MAPT: variants seen among roughly 807,000 people sequenced by gnomAD.
MAPT encodes microtubule-associated protein tau.
In MAPT, 34 loss-of-function variants were observed where a neutral mutation model predicts 67.9. The observed-to-expected ratio is 0.50, with a 90% confidence interval of 0.38 to 0.67. The LOEUF is 0.67. Ranked by LOEUF, MAPT falls within the 30% of genes least tolerant of loss-of-function variation. The pLI is 0.00. For synonymous variants in MAPT, 456 were observed against 464.5 expected (o/e 0.98, Z 0.23); for missense variants, 881 against 1,115.2 (o/e 0.79, Z 2.99).
intron 1 of MAPT, among the ~76,000 whole-genome samples, chr17:45,939,253 C>T (rs1403509127): frequency 1.3e-5 from 2 of 152,062 alleles, no homozygotes; most frequent in African/African-American, 4.8e-5. Context: ...CCACTGCACT[C>T]GGCCTTAAGA....
intron 1 of MAPT, among the ~76,000 whole-genome samples, chr17:45,937,590 T>A (rs1480079677): frequency 1.3e-4 from 14 of 108,606 alleles, no homozygotes; most frequent in African/African-American, 5.1e-4. Flanking sequence ...AGACCCTATC[T>A]CAAAAAAAGA....
At chr17:45,940,064 GA>G (rs1390350127) in intron 1 of MAPT, among the ~76,000 whole-genome samples, 1 of 152,154 alleles carries the variant, frequency 6.6e-6, no homozygotes, top group Non-Finnish European at 1.5e-5. Flanking sequence ...AAAGAAAAGA[GA>G]GTAGTAAAAT....
At chr17:45,912,485 G>A (rs974318385) in intron 1 of MAPT, among the ~76,000 whole-genome samples, 1 of 152,160 alleles carries the variant, frequency 6.6e-6, no homozygotes, top group African/African-American at 2.4e-5. Flanking sequence ...TTGGAGTGAG[G>A]TGGCCACAAG....
intron 1 of MAPT, among the ~76,000 whole-genome samples, chr17:45,945,753 C>T (rs2068415462): frequency 6.6e-6 from 1 of 152,090 alleles, no homozygotes; most frequent in African/African-American, 2.4e-5. Context: ...GTGAAGGTTG[C>T]AGTGAGCCGA....
chr17:46,006,509 T>C (rs935459668), intron 9 of MAPT, among the ~76,000 whole-genome samples: 3 of 152,096 alleles, frequency 2.0e-5, no homozygotes, highest in African/African-American at 4.8e-5. Flanking sequence ...AGATCTAGTA[T>C]TGGATAGCAC....
At chr17:45,916,952 C>A (rs1354884537) in intron 1 of MAPT, among the ~76,000 whole-genome samples, 1 of 152,206 alleles carries the variant, frequency 6.6e-6, no homozygotes, top group Non-Finnish European at 1.5e-5. Flanking sequence ...GATGGGCCCT[C>A]AGACTCACCC....
intron 9 of MAPT, among the ~76,000 whole-genome samples, chr17:46,008,679 T>A (rs2075616048): frequency 6.6e-6 from 1 of 151,840 alleles, no homozygotes; most frequent in Non-Finnish European, 1.5e-5. Flanking sequence ...CAAGTAAAAT[T>A]AAGGGGAAAA....
intron 6 of MAPT, among the ~76,000 whole-genome samples, chr17:45,989,249 G>A (rs1027807592): frequency 7.2e-5 from 11 of 152,166 alleles, no homozygotes; most frequent in Admixed American, 6.5e-4. Context: ...TTACTCATGT[G>A]AAGCACCTTT....
chr17:45,961,198 G>A (rs2070370527), intron 1 of MAPT, among the ~76,000 whole-genome samples: 1 of 152,106 alleles, frequency 6.6e-6, no homozygotes, highest in Non-Finnish European at 1.5e-5. Flanking sequence ...TAAATTCAAA[G>A]TTATGAATTA....
chr17:45,944,953 G>A (rs75839508), intron 1 of MAPT, among the ~76,000 whole-genome samples: 21,828 of 152,150 alleles, frequency 0.14, 2,142 homozygotes, highest in Non-Finnish European at 0.22. Context: ...ATCACCTCTC[G>A]CCAGACTCTC....
At chr17:45,993,152 G>T (rs2074209035) in intron 8 of MAPT, among the ~76,000 whole-genome samples, 1 of 152,172 alleles carries the variant, frequency 6.6e-6, no homozygotes, top group Non-Finnish European at 1.5e-5. Context: ...TGAGGGAGCT[G>T]CCCAGAGCCT....
intron 1 of MAPT, among the ~76,000 whole-genome samples, chr17:45,904,668 G>T (rs1302331198): frequency 6.7e-6 from 1 of 150,134 alleles, no homozygotes; most frequent in Non-Finnish European, 1.5e-5. Context: ...CTCCAGCCTG[G>T]GTAACACAGC....
rs547991106 is a variant in MAPT at position 46,024,356 on chromosome 17, G to C, written c.*185G>C. ...CTCGGGACTTCAAAATCAGTGATGG[G>C]AGTAAGAGCAAATTTCATCTTTCCA... On this transcript the variant is annotated 3_prime_UTR_variant, in exon 13 of 13. Coordinates refer to ENST00000262410, the MANE Select transcript of MAPT (RefSeq NM_001377265.1). 3 of 622,124 alleles carry C rather than the reference G, an allele frequency of 4.8e-6. No homozygotes were observed. In the East Asian group the frequency reaches 8.2e-5, roughly 17 times the overall value. 38.5% of individuals were successfully genotyped at this position (622,124 alleles called of 1,614,324 possible).
At chr17:45,946,615 A>AATATATATATAT (rs1177094945) in intron 1 of MAPT, among the ~76,000 whole-genome samples, 5 of 100,402 alleles carry the variant, frequency 5.0e-5, no homozygotes, top group Middle Eastern at 6.8e-3. Context: ...AAAAAAAAAA[A>AATATATATATAT]ATATATATAT....
intron 12 of MAPT, among the ~76,000 whole-genome samples, chr17:46,022,649 C>T (rs192719385): frequency 1.3e-5 from 2 of 152,282 alleles, no homozygotes; most frequent in Admixed American, 6.5e-5. Flanking sequence ...ATGACCGTGT[C>T]GGCCACTTCA....
chr17:45,945,077 G>A (rs1225791631), intron 1 of MAPT, among the ~76,000 whole-genome samples: 1 of 152,174 alleles, frequency 6.6e-6, no homozygotes, highest in Non-Finnish European at 1.5e-5. Flanking sequence ...TGGTTGGAGC[G>A]ACTCCTCCTA....
chr17:46,010,529 A>C lies in MAPT; in HGVS notation c.2091+127A>C. ...CTTGGGCTCTCAGGATCTGGCTGCG[A>C]CCTCTGGGTGAATGTAGCCCGGCTC... On this transcript the variant is annotated intron_variant, in intron 10 of 12. Coordinates refer to ENST00000262410, the MANE Select transcript of MAPT (RefSeq NM_001377265.1). This position sits in a 1 kb window ranked among gnomAD's most constrained non-coding sequence, Gnocchi z 4.7. 1 of 752,514 alleles carries C rather than the reference A, an allele frequency of 1.3e-6. No individual in the cohort carries two copies. The highest frequency in any genetic ancestry group is 2.3e-6 in the Non-Finnish European group (1 of 428,550). 46.6% of individuals were successfully genotyped at this position (752,514 alleles called of 1,614,324 possible).
intron 1 of MAPT, among the ~76,000 whole-genome samples, chr17:45,935,662 A>G (rs992157034): frequency 4.6e-5 from 7 of 152,084 alleles, no homozygotes; most frequent in African/African-American, 1.7e-4. Flanking sequence ...GGGCTCTTCC[A>G]GAATGTCTTG....
chr17:46,021,396 C>T (rs751555709), intron 12 of MAPT, among the ~76,000 whole-genome samples: 1 of 152,224 alleles, frequency 6.6e-6, no homozygotes, highest in Non-Finnish European at 1.5e-5. Flanking sequence ...CCAGGCCTCC[C>T]CTGGTCTAAG....
Sources: gnomAD v4.1 joint callset for allele counts (sites outside exome capture counted in the v4.1 genomes callset) on GRCh38, gnomAD v4.1.1 for gene constraint, Gnocchi (gnomAD v3.1) non-coding constraint, MANE v1.5 for transcripts, NCBI Gene and HGNC (gene_info 2026-07-23, HGNC 2026-07-21) for gene names.